Variants in ADCY10 observed in about 807,000 individuals in gnomAD.
ADCY10 encodes adenylate cyclase 10.
Under a neutral mutation model 183.3 loss-of-function variants are expected in ADCY10, and 156 were observed. The ratio of observed to expected loss-of-function variants is 0.85; its 90% CI spans 0.75 to 0.97. The LOEUF is 0.97. ADCY10 is among the 50% of genes least tolerant of loss of function. ADCY10 has a pLI of 0.00. For synonymous variants in ADCY10, 645 were observed against 670.0 expected (o/e 0.96, Z 0.58); for missense variants, 1,745 against 1,934.3 (o/e 0.90, Z 1.84).
At chr1:167,816,190 G>A (rs1662518784) in intron 31 of ADCY10, among the ~76,000 whole-genome samples, 1 of 152,068 alleles carries the variant, frequency 6.6e-6, no homozygotes, top group Admixed American at 6.6e-5. Context: ...CACCATGTAG[G>A]ATATATGCCC....
chr1:167,862,262 T>C (rs1322537324), intron 14 of ADCY10, among the ~76,000 whole-genome samples: 1 of 151,942 alleles, frequency 6.6e-6, no homozygotes, highest in African/African-American at 2.4e-5. Context: ...GAAAAGAGAG[T>C]CGTTGCAGAT....
intron 18 of ADCY10, among the ~76,000 whole-genome samples, chr1:167,850,699 G>GTGTA (rs770338563): frequency 2.4e-4 from 35 of 147,076 alleles, no homozygotes; most frequent in African/African-American, 8.4e-4. Flanking sequence ...GTGTGTGTGT[G>GTGTA]TGTGTGTGTT....
chr1:167,910,117 C>A (rs1308984175), intron 1 of ADCY10, among the ~76,000 whole-genome samples: 2 of 152,186 alleles, frequency 1.3e-5, no homozygotes, highest in Admixed American at 1.3e-4. Context: ...ATGCTCCCAG[C>A]CGAATAAAGC....
intron 30 of ADCY10, chr1:167,820,013 T>A (rs1170564270): frequency 6.4e-7 from 1 of 1,557,216 alleles, no homozygotes; most frequent in Non-Finnish European, 8.9e-7. Context: ...TGGGACTTTC[T>A]TCTTTTTTCC....
intron 13 of ADCY10, among the ~76,000 whole-genome samples, chr1:167,872,201 G>A (rs926089757): frequency 2.0e-4 from 31 of 152,226 alleles, no homozygotes; most frequent in African/African-American, 7.0e-4. Context: ...AGCCGGGCGT[G>A]GTGGTGCATG....
chr1:167,899,154 G>A (rs1052748889), intron 6 of ADCY10, among the ~76,000 whole-genome samples: 14 of 152,122 alleles, frequency 9.2e-5, no homozygotes, highest in African/African-American at 2.9e-4. Flanking sequence ...AAGCAAGGTC[G>A]CTAGCCCCTC....
intron 14 of ADCY10, 94 bp from the exon 15 acceptor site, chr1:167,861,157 T>A: frequency 9.3e-7 from 1 of 1,071,288 alleles, no homozygotes; most frequent in Non-Finnish European, 1.4e-6. Context: ...CTTCTCATAT[T>A]CAGCTATAAT....
chr1:167,824,719 G>A lies in ADCY10; in HGVS notation c.3887C>T (p.Ala1296Val), dbSNP rs1663150179. Residue 1296 changes from alanine to valine, a missense_variant, in exon 27 of 33, where the codon GCA (alanine) becomes GTA (valine). Transcript: ENST00000367851. Reference sequence around the variant, plus strand: ...GAAGACCAGTGTCTCAGCCACGTATGCCACGATTTCAATGCCCTCGCCTTT... The same window carrying A: ...GAAGACCAGTGTCTCAGCCACGTATACCACGATTTCAATGCCCTCGCCTTT... ...PLKGEGIEIV[A>V]YVAETLVFNK... The A allele has an allele frequency of 6.2e-7, 1 of 1,614,086 alleles. No individual in the cohort carries two copies. Among genetic ancestry groups the A allele is most frequent in the Admixed American group, 1.7e-5 (1 of 60,006 alleles).
chr1:167,866,530 CAAAAA>C (rs57450280), intron 14 of ADCY10, among the ~76,000 whole-genome samples: 5,236 of 110,698 alleles, frequency 0.047, 132 homozygotes, highest in Middle Eastern at 0.099. Flanking sequence ...CTCTATGTGC[CAAAAA>C]AAAAAAAAAA....
chr1:167,852,479 T>C (rs762219446), intron 18 of ADCY10, among the ~76,000 whole-genome samples: 27 of 152,010 alleles, frequency 1.8e-4, no homozygotes, highest in Non-Finnish European at 3.5e-4. Context: ...TACATAAACA[T>C]TTATTGAACA....
chr1:167,840,631 C>T (rs1275980385), intron 21 of ADCY10, among the ~76,000 whole-genome samples: 1 of 152,122 alleles, frequency 6.6e-6, no homozygotes. Flanking sequence ...GCTGCAATTA[C>T]AGGCATGAGC....
At position 167,836,539 on chromosome 1, in the gene ADCY10, G is replaced by A. The variant is rs147752796; in HGVS notation, c.3079C>T (p.Pro1027Ser). The A allele has an allele frequency of 6.2e-5, 97 of 1,574,054 alleles. No individual in the cohort carries two copies. In the African/African-American group the frequency reaches 1.1e-3, roughly 17 times the overall value. ...AAGATCTTTTCTCTTATTTCTTCAG[G>A]ACTGTCCATATGCAGAAATAAATAA... is the stretch of plus-strand genomic sequence containing the variant. ...TSAFFPENRS[P>S]EEIREKILNF... Residue 1027 changes from proline (P) to serine (S), a missense_variant and splice_region_variant, in exon 23 of 33, where the codon CCT becomes TCT. Physicochemically the swap from Pro to Ser is moderately conservative, Grantham distance 74 (BLOSUM62 -1). Coordinates refer to ENST00000367851, the MANE Select transcript of ADCY10 (RefSeq NM_018417.6).
Position 167,823,118 on chromosome 1 carries a change from G to C in ADCY10, c.4058C>G (p.Pro1353Arg). 1 of 1,613,784 alleles carries C rather than the reference G, an allele frequency of 6.2e-7. No individual in the cohort carries two copies. Among genetic ancestry groups the C allele is most frequent in the Non-Finnish European group, 8.5e-7 (1 of 1,179,712 alleles). ...SRCLLLNSRYPQLIQVLGRLW... is the reference protein window; with the variant it reads ...SRCLLLNSRYRQLIQVLGRLW... ...CCGCCCCAGCACCTGGATCAATTGC[G>C]GGTATCTATGGAAAAGAAAAGGTAG... is the stretch of plus-strand genomic sequence containing the variant. The change falls in exon 29 of 33, where the codon CCG becomes CGG. Residue 1353 changes from proline to arginine, a missense_variant. Coordinates refer to ENST00000367851, the MANE Select transcript of ADCY10 (RefSeq NM_018417.6).
Position 167,878,440 on chromosome 1 carries a change from A to G in ADCY10, c.1406+6T>C, listed in dbSNP as rs760684608. On this transcript the variant is annotated splice_donor_region_variant and intron_variant, in intron 12 of 32. Coordinates refer to ENST00000367851, the MANE Select transcript of ADCY10 (RefSeq NM_018417.6). Reference sequence around the variant, plus strand: ...ATATACTTCAAAATTAATGCTCCACACTCACACTTTCTCAGTACGGCCCCA... The same window carrying G: ...ATATACTTCAAAATTAATGCTCCACGCTCACACTTTCTCAGTACGGCCCCA... 2 of 1,613,338 alleles carry G rather than the reference A, an allele frequency of 1.2e-6. No homozygotes were observed. The highest frequency in any genetic ancestry group is 1.7e-6 in the Non-Finnish European group (2 of 1,179,720).
chr1:167,838,270 A>G (rs536658107), intron 21 of ADCY10, among the ~76,000 whole-genome samples: 3 of 152,268 alleles, frequency 2.0e-5, no homozygotes, highest in Admixed American at 2.0e-4. Context: ...ACAGAGATCA[A>G]TTTGGCCACC....
Position 167,901,823 on chromosome 1 carries a change from CCG to C in ADCY10, c.293-20_293-19del. 1 of 1,614,172 alleles carries C rather than the reference CCG, an allele frequency of 6.2e-7. No individual in the cohort carries two copies. Among genetic ancestry groups the C allele is most frequent in the Non-Finnish European group, 8.5e-7 (1 of 1,180,026 alleles). On this transcript the variant is annotated intron_variant, in intron 4 of 32. Transcript: ENST00000367851. ...TGCATCACCTTCAGAGAGAGACATGCCGCGGGCTTTTGACCTGCCCTGGGGAT... is the reference window on the plus strand; with the variant it reads ...TGCATCACCTTCAGAGAGAGACATGCCGGGCTTTTGACCTGCCCTGGGGAT...
At chr1:167,839,688 G>T (rs1423469408) in intron 21 of ADCY10, among the ~76,000 whole-genome samples, 2 of 151,948 alleles carry the variant, frequency 1.3e-5, no homozygotes, top group East Asian at 1.9e-4. Context: ...TCTGTCAGTT[G>T]CCATTAAAAT....
chr1:167,897,304 T>G (rs1350589655), intron 6 of ADCY10, among the ~76,000 whole-genome samples: 1 of 145,156 alleles, frequency 6.9e-6, no homozygotes, highest in Non-Finnish European at 1.5e-5. Flanking sequence ...TGGGTAACAA[T>G]GGTGAAATCC....
At chr1:167,851,835 T>G (rs540123663) in intron 18 of ADCY10, among the ~76,000 whole-genome samples, 5 of 151,990 alleles carry the variant, frequency 3.3e-5, no homozygotes, top group African/African-American at 9.6e-5. Flanking sequence ...AAAAAGAAAT[T>G]TAACATTGAT....
Sources: allele counts gnomAD v4.1 joint callset (sites outside exome capture counted in the v4.1 genomes callset), GRCh38; gene constraint gnomAD v4.1.1; transcripts MANE v1.5; gene names NCBI Gene and HGNC (gene_info 2026-07-23, HGNC 2026-07-21).